Variants in ZNF541 observed in about 807,000 individuals in gnomAD.
ZNF541 encodes zinc finger protein 541.
In ZNF541, 23 loss-of-function variants were observed where a neutral mutation model predicts 123.5. That is an observed-to-expected ratio of 0.19 (90% confidence interval 0.13 to 0.26). The LOEUF is 0.26. Ranked by LOEUF, ZNF541 falls within the 10% of genes least tolerant of loss-of-function variation. The probability of loss-of-function intolerance (pLI) is 1.00; values close to 1 mark genes in which losing one functional copy is unlikely to be tolerated. For synonymous variants in ZNF541, 751 were observed against 754.5 expected (o/e 1.00, Z 0.08); for missense variants, 1,612 against 1,789.9 (o/e 0.90, Z 1.79).
chr19:47,562,458 C>T (rs778352899), intron 2 of ZNF541, among the ~76,000 whole-genome samples: 18 of 151,716 alleles, frequency 1.2e-4, no homozygotes, highest in African/African-American at 4.4e-4. Context: ...GCAGGAGAAT[C>T]GCTTGAACCC....
chr19:47,550,376 GAA>G (rs1970547764), intron 3 of ZNF541, among the ~76,000 whole-genome samples: 1 of 147,438 alleles, frequency 6.8e-6, no homozygotes, highest in African/African-American at 2.5e-5. Context: ...GAAGGAAAGA[GAA>G]AGAGAAAGAT....
At chr19:47,537,546 A>G (rs1211518370) in intron 9 of ZNF541, among the ~76,000 whole-genome samples, 1 of 144,116 alleles carries the variant, frequency 6.9e-6, no homozygotes, top group African/African-American at 2.6e-5. Flanking sequence ...CCTGGGTGAT[A>G]GAGTGATACT....
intron 8 of ZNF541, among the ~76,000 whole-genome samples, chr19:47,538,656 C>G (rs1266789387): frequency 6.6e-6 from 1 of 152,190 alleles, no homozygotes; most frequent in Admixed American, 6.5e-5. Context: ...ACTGCCCCAG[C>G]AGAGCCCCTG....
At chr19:47,572,245 G>A (rs1039067011) in intron 1 of ZNF541, among the ~76,000 whole-genome samples, 1 of 152,166 alleles carries the variant, frequency 6.6e-6, no homozygotes, top group Non-Finnish European at 1.5e-5. Context: ...TCCCCCGTGG[G>A]AAGAGACCTA....
At chr19:47,534,254 GA>G (rs1236790645) in intron 9 of ZNF541, among the ~76,000 whole-genome samples, 1 of 152,052 alleles carries the variant, frequency 6.6e-6, no homozygotes, top group Non-Finnish European at 1.5e-5. Flanking sequence ...AGAACAAAGA[GA>G]AAAATAAAGA....
At chr19:47,565,532 A>G (rs1162756855) in intron 2 of ZNF541, among the ~76,000 whole-genome samples, 1 of 152,164 alleles carries the variant, frequency 6.6e-6, no homozygotes, top group African/African-American at 2.4e-5. Flanking sequence ...GCCAGCTGGC[A>G]TCACGGTACA....
Position 47,538,127 on chromosome 19 carries a change from C to T in ZNF541, c.3094+15G>A, listed in dbSNP as rs1252472583. On this transcript the variant is annotated intron_variant, in intron 9 of 16. Coordinates refer to ENST00000391901, the MANE Select transcript of ZNF541 (RefSeq NM_001277075.3). ...CACCCTGGGATCACAGAGTGAGTGC[C>T]CCAGCCTCACTCACCGAGCATGGAG... The T allele has an allele frequency of 1.9e-6, 3 of 1,549,430 alleles. No homozygotes were observed. Among genetic ancestry groups the T allele is most frequent in the Admixed American group, 2.0e-5 (1 of 50,928 alleles).
At chr19:47,532,069 C>T in intron 11 of ZNF541, 59 bp downstream of exon 11, 6 of 1,540,610 alleles carry the variant, frequency 3.9e-6, no homozygotes. Context: ...AGGAAAAACA[C>T]CCTGGAAATG....
At chr19:47,556,438 A>AT (rs1410152327) in intron 2 of ZNF541, among the ~76,000 whole-genome samples, 1 of 152,078 alleles carries the variant, frequency 6.6e-6, no homozygotes, top group African/African-American at 2.4e-5. Context: ...GAAGTACTTG[A>AT]TTTTTTCTTT....
At position 47,531,603 on chromosome 19, in the gene ZNF541, C is replaced by A. The variant is rs761131218; in HGVS notation, c.3405+39G>T. The A allele has an allele frequency of 7.5e-6, 11 of 1,474,176 alleles. No individual in the cohort carries two copies. In the South Asian group the frequency reaches 1.3e-4, roughly 17 times the overall value. 91.3% of individuals were successfully genotyped at this position (1,474,176 alleles called of 1,614,324 possible). On this transcript the variant is annotated intron_variant, in intron 12 of 16. Coordinates refer to ENST00000391901, the MANE Select transcript of ZNF541 (RefSeq NM_001277075.3). ...CGTCACATGCACCTAGAACCCTGGG[C>A]CCCAGGAAAGCAGGGAGGGTCCCCT...
chr19:47,572,263 T>C (rs1361722126), intron 1 of ZNF541, among the ~76,000 whole-genome samples: 3 of 152,152 alleles, frequency 2.0e-5, no homozygotes, highest in Admixed American at 1.3e-4. Flanking sequence ...CTAGAGAATT[T>C]TACCGGGAGA....
intron 14 of ZNF541, among the ~76,000 whole-genome samples, chr19:47,526,928 A>G (rs1969326389): frequency 6.6e-6 from 1 of 152,190 alleles, no homozygotes; most frequent in African/African-American, 2.4e-5. Context: ...AAACCACTCA[A>G]ATGTCCACCA....
At position 47,545,980 on chromosome 19, in the gene ZNF541, C is replaced by A; in HGVS notation, c.549G>T (p.Leu183=). ...TCTGGTGGGTGAGCATGTGCCCGGTCCTGGAGCCAGACACAAGCAGGGGCG... is the reference window on the plus strand; with the variant it reads ...TCTGGTGGGTGAGCATGTGCCCGGTACTGGAGCCAGACACAAGCAGGGGCG... ...CSKAFKRQDH[L]TGHMLTHQKT... is the part of the protein sequence containing the mutation. The change falls in exon 5 of 17, where the codon CTG becomes CTT. Residue 183 remains leucine, a splice_region_variant and synonymous_variant. Coordinates refer to ENST00000391901, the MANE Select transcript of ZNF541 (RefSeq NM_001277075.3). The surrounding 1 kb of genome is among the most constrained non-coding windows in gnomAD (Gnocchi z 7.5). 6.8e-7 allele frequency: 1 copy of A among 1,462,672 alleles called. No individual in the cohort carries two copies. The highest frequency in any genetic ancestry group is 1.8e-4 in the Middle Eastern group (1 of 5,536). The allele number at this position is 1,462,672 out of a possible 1,614,324, so 90.6% of individuals were successfully genotyped here.
rs541275879 is a variant in ZNF541 at position 47,538,049 on chromosome 19, C to A, written c.3094+93G>T. ...AGACTAGGTACACCCAGGCAGGAGACAATCACTGAACCCAATGCTACAAGG... is the reference window on the plus strand; with the variant it reads ...AGACTAGGTACACCCAGGCAGGAGAAAATCACTGAACCCAATGCTACAAGG... On this transcript the variant is annotated intron_variant, in intron 9 of 16. Coordinates refer to ENST00000391901, the MANE Select transcript of ZNF541 (RefSeq NM_001277075.3). 95 of 1,420,060 alleles carry A rather than the reference C, an allele frequency of 6.7e-5. 1 individual carries two copies. In the African/African-American group the frequency reaches 1.2e-3, roughly 18 times the overall value. 88.0% of individuals were successfully genotyped at this position (1,420,060 alleles called of 1,614,324 possible). A position where few individuals can be genotyped will look rare whatever the true frequency, so the allele number is the denominator to read the frequency against.
rs1970238483 is a variant in ZNF541 at position 47,544,649 on chromosome 19, C to T, written c.1880G>A (p.Arg627Lys). The T allele has an allele frequency of 6.5e-7, 1 of 1,545,626 alleles. No homozygotes were observed. Among genetic ancestry groups the T allele is most frequent in the African/African-American group, 1.4e-5 (1 of 72,994 alleles). Residue 627 changes from arginine to lysine, a missense_variant, in exon 5 of 17, where the codon AGG (arginine) becomes AAG (lysine). Physicochemically the swap from Arg to Lys is conservative, Grantham distance 26. Transcript: ENST00000391901. ...GGGAACCCCGGGTGTGGTTTTTCTC[C>T]TGCGGGCTGGGGAGCCCTCTGCCTC... is the stretch of plus-strand genomic sequence containing the variant. Reference protein sequence around the residue: ...NPEAEGSPARRRKTTPGVPRE... With the variant: ...NPEAEGSPARKRKTTPGVPRE...
intron 4 of ZNF541, among the ~76,000 whole-genome samples, chr19:47,547,496 T>A (rs1001620016): frequency 6.6e-6 from 1 of 152,130 alleles, no homozygotes; most frequent in Non-Finnish European, 1.5e-5. Flanking sequence ...TCATAAAGTC[T>A]TTCCCCAAAG....
chr19:47,528,259 G>A (rs1391503734), intron 14 of ZNF541, among the ~76,000 whole-genome samples: 3 of 140,824 alleles, frequency 2.1e-5, no homozygotes, highest in African/African-American at 7.9e-5. Flanking sequence ...AGGTTGCGGT[G>A]AGCCAAGATT....
At chr19:47,569,771 C>T (rs921861492) in intron 2 of ZNF541, among the ~76,000 whole-genome samples, 2 of 151,824 alleles carry the variant, frequency 1.3e-5, no homozygotes, top group African/African-American at 4.8e-5. Flanking sequence ...CCCAGCTACT[C>T]GGGAGACTGA....
At chr19:47,527,790 C>T (rs1305287506) in intron 14 of ZNF541, among the ~76,000 whole-genome samples, 1 of 151,774 alleles carries the variant, frequency 6.6e-6, no homozygotes, top group African/African-American at 2.4e-5. Flanking sequence ...ACCTCCGCTT[C>T]CCGGGTTCAA....
Sources: allele counts gnomAD v4.1 joint callset (sites outside exome capture counted in the v4.1 genomes callset), GRCh38; gene constraint gnomAD v4.1.1; non-coding constraint Gnocchi (gnomAD v3.1); transcripts MANE v1.5; gene names NCBI Gene and HGNC (gene_info 2026-07-23, HGNC 2026-07-21).